NRK: variants seen among roughly 807,000 people sequenced by gnomAD.
NRK encodes Nik related kinase.
Under a neutral mutation model 125.2 loss-of-function variants are expected in NRK, and 67 were observed. The observed-to-expected ratio is 0.54, with a 90% confidence interval of 0.44 to 0.66. NRK has a LOEUF of 0.66. Among genes scored for constraint, NRK ranks in the 30% least tolerant of loss-of-function variants. The pLI is 0.00. For missense variants in NRK, 1,224 were observed against 1,192.9 expected (o/e 1.03, Z -0.38); for synonymous variants, 458 against 429.0 (o/e 1.07, Z -0.84).
chrX:105,896,741 G>C (rs191547187), intron 7 of NRK, among the ~76,000 whole-genome samples: 2 of 111,250 alleles, frequency 1.8e-5, no homozygotes, highest in Non-Finnish European at 3.8e-5. Flanking sequence ...TACTCGAGAG[G>C]CTGAGGCAGG....
rs1303154254 is a variant in NRK, at chrX:105,922,077, A to G, written c.2610+16A>G. 3 of 826,236 alleles carry G rather than the reference A, an allele frequency of 3.6e-6. No homozygotes were observed. In the South Asian group the frequency reaches 6.7e-5, roughly 18 times the overall value. 68.1% of individuals were successfully genotyped at this position (826,236 alleles called of 1,213,427 possible). ...TGACATCCATGTAAGTTTCCATCTT[A>G]ACACATTAATGTCTATTATTTTTTA... On this transcript the variant is annotated intron_variant, in intron 17 of 28. Coordinates refer to ENST00000243300, the MANE Select transcript of NRK (RefSeq NM_198465.4).
chrX:105,828,094 A>G (rs1354205461), intron 1 of NRK, among the ~76,000 whole-genome samples: 1 of 112,194 alleles, frequency 8.9e-6, no homozygotes, highest in African/African-American at 3.2e-5. Context: ...TTGTTAACCT[A>G]GTATTAAGCA....
intron 19 of NRK, among the ~76,000 whole-genome samples, chrX:105,933,982 G>C (rs1367816917): frequency 1.8e-5 from 2 of 111,831 alleles, no homozygotes; most frequent in Non-Finnish European, 3.8e-5. Flanking sequence ...CACAGTAGCT[G>C]ATACATGGTA....
chrX:105,827,683 A>G (rs1602586519), intron 1 of NRK, among the ~76,000 whole-genome samples: 1 of 112,443 alleles, frequency 8.9e-6, no homozygotes, highest in African/African-American at 3.2e-5. Context: ...TTAGATGCAT[A>G]GAAAGAGATA....
intron 20 of NRK, among the ~76,000 whole-genome samples, chrX:105,934,669 T>C (rs2040638172): frequency 1.8e-5 from 2 of 112,273 alleles, no homozygotes; most frequent in African/African-American, 6.5e-5. Context: ...GATTTATGTG[T>C]GTTTTCTAAT....
At chrX:105,898,295 G>A (rs2147732656) in intron 7 of NRK, among the ~76,000 whole-genome samples, 1 of 111,406 alleles carries the variant, frequency 9.0e-6, no homozygotes. Context: ...TTATCATTTC[G>A]GAGGTTCAGA....
At chrX:105,869,732 A>T (rs2147692755) in intron 2 of NRK, among the ~76,000 whole-genome samples, 1 of 109,193 alleles carries the variant, frequency 9.2e-6, no homozygotes, top group African/African-American at 3.5e-5. Flanking sequence ...TTTAAGACAA[A>T]GTTGCTTCTT....
chrX:105,954,687 C>T (rs2040950640), intron 28 of NRK, among the ~76,000 whole-genome samples: 1 of 110,778 alleles, frequency 9.0e-6, no homozygotes, highest in African/African-American at 3.3e-5. Flanking sequence ...CTAAATATAG[C>T]CACTGTGGAT....
chrX:105,863,357 C>CACACACACACACACACACACAT (rs372176349), intron 2 of NRK, among the ~76,000 whole-genome samples: 25 of 106,518 alleles, frequency 2.3e-4, no homozygotes, highest in African/African-American at 8.6e-4. Context: ...CACACACACA[C>CACACACACACACACACACACAT]ATACTATTTT....
At position 105,898,632 on chromosome X, in the gene NRK, A is replaced by G. The variant is rs1184365984; in HGVS notation, c.629A>G (p.Asn210Ser). The G allele has an allele frequency of 3.3e-6, 4 of 1,197,525 alleles. No homozygotes were observed. The highest frequency in any genetic ancestry group is 2.2e-5 in the Admixed American group (1 of 45,113). Residue 210 changes from asparagine to serine, a missense_variant, in exon 8 of 29, where the codon AAT becomes AGT. By Grantham distance (46) the Asn-to-Ser change is conservative. Transcript: ENST00000243300. Reference protein sequence around the residue: ...AQVSRTNGRRNSFIGTPYWMA... With the variant: ...AQVSRTNGRRSSFIGTPYWMA... The stretch of plus-strand genomic sequence containing the variant: ...GTGAGCAGAACTAATGGAAGAAGGA[A>G]TAGTTTCATTGGGACACCATACTGG...
intron 19 of NRK, among the ~76,000 whole-genome samples, chrX:105,933,489 A>C (rs2040623231): frequency 9.0e-6 from 1 of 111,731 alleles, no homozygotes; most frequent in Admixed American, 9.5e-5. Context: ...TACCAACAAT[A>C]GTTGACATAT....
chrX:105,904,098 G>T (rs1402963972), intron 9 of NRK, among the ~76,000 whole-genome samples: 1 of 111,372 alleles, frequency 9.0e-6, no homozygotes, highest in Non-Finnish European at 1.9e-5. Context: ...GTCACTTTAG[G>T]TATTTCTGAG....
intron 19 of NRK, among the ~76,000 whole-genome samples, chrX:105,930,231 C>G (rs1227929870): frequency 9.0e-6 from 1 of 110,961 alleles, no homozygotes; most frequent in East Asian, 2.8e-4. Flanking sequence ...TAATGTTGTC[C>G]CATAAGTTCT....
At chrX:105,852,631 G>A (rs1464520386) in intron 2 of NRK, among the ~76,000 whole-genome samples, 1 of 111,350 alleles carries the variant, frequency 9.0e-6, no homozygotes, top group Non-Finnish European at 1.9e-5. Context: ...TAAGCAGCAG[G>A]ATTTGAACAA....
rs1329745333 is a variant in NRK at position 105,957,295 on chromosome X, AC to A, written c.*1696del. ...AGTAGTTTTTTTTTTTTAAAAACAA[AC>A]TTTTATGTCAAATTTTTTTTCTTAG... On this transcript the variant is annotated 3_prime_UTR_variant, in exon 29 of 29. Coordinates refer to ENST00000243300, the MANE Select transcript of NRK (RefSeq NM_198465.4). The A allele has an allele frequency of 1.8e-5, 2 of 111,086 alleles. No individual in the cohort carries two copies. Among genetic ancestry groups the A allele is most frequent in the Non-Finnish European group, 3.8e-5 (2 of 52,895 alleles). The allele number at this position is 111,086 out of a possible 1,213,427, so 9.2% of individuals were successfully genotyped here.
At position 105,954,823 on chromosome X, in the gene NRK, C is replaced by T. The variant is rs967550641; in HGVS notation, c.4654-682C>T. Among the ~76,000 whole-genome samples the T allele has an allele frequency of 8.1e-5, 9 of 111,751 alleles. No individual in the cohort carries two copies. In the Admixed American group the frequency reaches 8.6e-4, roughly 11 times the overall value. Reference sequence around the variant, plus strand: ...TCCCTCTCTAAGCCACTGGGTTTAACTCATTTTATCAATCTATTGATGTCC... The same window carrying T: ...TCCCTCTCTAAGCCACTGGGTTTAATTCATTTTATCAATCTATTGATGTCC... On this transcript the variant is annotated intron_variant, in intron 28 of 28. Transcript: ENST00000243300.
chrX:105,840,964 G>A (rs1191791462), intron 2 of NRK, among the ~76,000 whole-genome samples: 2 of 110,321 alleles, frequency 1.8e-5, no homozygotes, highest in Non-Finnish European at 3.8e-5. Context: ...TTAGTTTATC[G>A]TCTAGTAGTT....
Position 105,843,977 on chromosome X carries a change from C to CTGTGTG in NRK, c.123+12894_123+12899dup, listed in dbSNP as rs751188822. Among the ~76,000 whole-genome samples, 195 of 87,360 alleles carry CTGTGTG rather than the reference C, an allele frequency of 2.2e-3. 1 individual carries two copies. The highest frequency in any genetic ancestry group is 7.7e-3 in the African/African-American group (170 of 22,173). The allele number at this position is 87,360 out of a possible 115,157, so 75.9% of individuals were successfully genotyped here. A position where few individuals can be genotyped will look rare whatever the true frequency, so the allele number is the denominator to read the frequency against. ...ATGTTTATTTTGCAGGTCCTGCACT[C>CTGTGTG]TGTGTGTGTGTGTGTGTGTGTGTGT... On this transcript the variant is annotated intron_variant, in intron 2 of 28. Transcript: ENST00000243300.
chrX:105,833,509 TGAGAAATAAA>T (rs2039222477), intron 2 of NRK, among the ~76,000 whole-genome samples: 2 of 110,833 alleles, frequency 1.8e-5, no homozygotes, highest in Admixed American at 1.9e-4. Context: ...CCACCAGATG[TGAGAAATAAA>T]AGCTCAGAGT....
Sources: gnomAD v4.1 joint callset for allele counts (sites outside exome capture counted in the v4.1 genomes callset) on GRCh38, gnomAD v4.1.1 for gene constraint, MANE v1.5 for transcripts, NCBI Gene and HGNC (gene_info 2026-07-23, HGNC 2026-07-21) for gene names.